The following KAT6B variants were observed in gnomAD, a reference collection of about 807,000 sequenced individuals.
KAT6B encodes the protein histone acetyltransferase KAT6B.
In KAT6B, 10 loss-of-function variants were observed where a neutral mutation model predicts 187.5. That is an observed-to-expected ratio of 0.05 (90% confidence interval 0.03 to 0.09). KAT6B has a LOEUF of 0.09. Among genes scored for constraint, KAT6B ranks in the 10% least tolerant of loss-of-function variants. The pLI is 1.00. For synonymous variants in KAT6B, 861 were observed against 926.8 expected, an observed-to-expected ratio of 0.93 and a Z score of 1.29; for missense variants, 1,952 against 2,558.9, an observed-to-expected ratio of 0.76 and a Z score of 5.12.
chr10:74,973,896 G>T (rs910457530), intron 7 of KAT6B, among the ~76,000 whole-genome samples: 1 of 152,064 alleles, frequency 6.6e-6, no homozygotes, highest in African/African-American at 2.4e-5. Context: ...AACCAAATTA[G>T]GATATAAACT....
intron 3 of KAT6B, among the ~76,000 whole-genome samples, chr10:74,857,115 T>C (rs999643260): frequency 1.3e-5 from 2 of 152,202 alleles, no homozygotes; most frequent in African/African-American, 4.8e-5. Flanking sequence ...TTTGAAAGCA[T>C]GTGAGTAACC....
intron 3 of KAT6B, among the ~76,000 whole-genome samples, chr10:74,942,182 G>A (rs1849721248): frequency 6.6e-6 from 1 of 151,938 alleles, no homozygotes; most frequent in Non-Finnish European, 1.5e-5. Context: ...CAAAGACTTT[G>A]CAAGAAAAGG....
chr10:74,879,621 C>T (rs539691791), intron 3 of KAT6B, among the ~76,000 whole-genome samples: 45 of 152,310 alleles, frequency 3.0e-4, no homozygotes, highest in African/African-American at 1.0e-3. Context: ...GGGATTAATT[C>T]TGTAGTGCTA....
At chr10:74,974,166 T>C (rs1402445157) in intron 7 of KAT6B, among the ~76,000 whole-genome samples, 1 of 152,216 alleles carries the variant, frequency 6.6e-6, no homozygotes, top group Non-Finnish European at 1.5e-5. Flanking sequence ...ACTAGAGATC[T>C]CTAGCGTTCA....
At chr10:74,873,094 A>G (rs1844125962) in intron 3 of KAT6B, among the ~76,000 whole-genome samples, 1 of 152,194 alleles carries the variant, frequency 6.6e-6, no homozygotes, top group Non-Finnish European at 1.5e-5. Context: ...AAAAGTGGCC[A>G]GTTTTAAAGG....
intron 3 of KAT6B, among the ~76,000 whole-genome samples, chr10:74,864,877 G>T (rs1843443876): frequency 6.6e-6 from 1 of 152,178 alleles, no homozygotes; most frequent in Non-Finnish European, 1.5e-5. Context: ...TTCTTACAGG[G>T]CTTTTTAAAG....
chr10:74,976,769 A>G (rs543161347), intron 8 of KAT6B: 3 of 290,822 alleles, frequency 1.0e-5, no homozygotes, highest in Non-Finnish European at 2.0e-5. Flanking sequence ...TCTCATGACA[A>G]AGTTCATCCT....
At chr10:74,958,655 T>C (rs530873882) in intron 3 of KAT6B, among the ~76,000 whole-genome samples, 1 of 152,314 alleles carries the variant, frequency 6.6e-6, no homozygotes, top group South Asian at 2.1e-4. Context: ...CTAAAATGTA[T>C]GTAGATTTAT....
upstream of KAT6B, among the ~76,000 whole-genome samples, chr10:74,825,973 C>T (rs1348711734): frequency 6.6e-6 from 1 of 151,022 alleles, no homozygotes; most frequent in Non-Finnish European, 1.5e-5. This position sits in a 1 kb window ranked among gnomAD's most constrained non-coding sequence, Gnocchi z 5.0. Flanking sequence ...CTCCGGGCGG[C>T]GCGCCCGTCC....
intron 13 of KAT6B, among the ~76,000 whole-genome samples, chr10:75,015,786 C>T (rs1844938141): frequency 1.3e-5 from 2 of 152,244 alleles, no homozygotes; most frequent in Non-Finnish European, 2.9e-5. Context: ...CCCCTAAAAG[C>T]AGCTGGTGAC....
At chr10:74,881,559 G>A (rs997339627) in intron 3 of KAT6B, among the ~76,000 whole-genome samples, 1 of 152,194 alleles carries the variant, frequency 6.6e-6, no homozygotes, top group Admixed American at 6.5e-5. Context: ...TACTTTTTGA[G>A]TGATTATACT....
chr10:74,864,499 A>G (rs947541364), intron 3 of KAT6B, among the ~76,000 whole-genome samples: 1 of 151,964 alleles, frequency 6.6e-6, no homozygotes, highest in Non-Finnish European at 1.5e-5. Context: ...AAGCCTGTAT[A>G]TGTTCTGTAA....
intron 3 of KAT6B, among the ~76,000 whole-genome samples, chr10:74,925,069 A>G (rs2133100185): frequency 6.6e-6 from 1 of 152,122 alleles, no homozygotes. Context: ...ATTTTTTGAG[A>G]AGGAGTCTCG....
At chr10:74,906,401 A>C (rs1846760906) in intron 3 of KAT6B, among the ~76,000 whole-genome samples, 1 of 152,174 alleles carries the variant, frequency 6.6e-6, no homozygotes, top group Non-Finnish European at 1.5e-5. Flanking sequence ...ACCTCAAAAA[A>C]AAAATCTTTT....
intron 4 of KAT6B, among the ~76,000 whole-genome samples, chr10:74,960,578 A>G (rs1256137426): frequency 1.3e-5 from 2 of 151,966 alleles, no homozygotes; most frequent in African/African-American, 2.4e-5. Flanking sequence ...AAAAACAAAA[A>G]TCGACAGAAC....
At chr10:74,868,384 C>A (rs1364841243) in intron 3 of KAT6B, among the ~76,000 whole-genome samples, 1 of 152,142 alleles carries the variant, frequency 6.6e-6, no homozygotes, top group Non-Finnish European at 1.5e-5. Context: ...ATTTCAGTTT[C>A]TAGAAACTCT....
intron 13 of KAT6B, among the ~76,000 whole-genome samples, chr10:74,996,274 C>CA (rs1010564940): frequency 6.6e-6 from 1 of 152,160 alleles, no homozygotes; most frequent in African/African-American, 2.4e-5. Context: ...GACAAATCAA[C>CA]AAATGTTGCA....
At chr10:74,910,872 T>C (rs1847154369) in intron 3 of KAT6B, among the ~76,000 whole-genome samples, 1 of 152,242 alleles carries the variant, frequency 6.6e-6, no homozygotes. Flanking sequence ...TTTCCCGATC[T>C]TGGGCTTGAG....
At chr10:74,944,256 C>CA (rs1849926822) in intron 3 of KAT6B, among the ~76,000 whole-genome samples, 1 of 152,190 alleles carries the variant, frequency 6.6e-6, no homozygotes, top group South Asian at 2.1e-4. Context: ...GCCTGTATCA[C>CA]TGGATATGGC....
Sources: allele counts gnomAD v4.1 joint callset (sites outside exome capture counted in the v4.1 genomes callset), GRCh38; gene constraint gnomAD v4.1.1; non-coding constraint Gnocchi (gnomAD v3.1); transcripts MANE v1.5; gene names NCBI Gene and HGNC (gene_info 2026-07-23, HGNC 2026-07-21).